CNTNAP3: variants seen among roughly 807,000 people sequenced by gnomAD.
CNTNAP3 encodes the protein contactin associated protein family member 3.
Under a neutral mutation model 92.1 loss-of-function variants are expected in CNTNAP3, and 36 were observed. That is an observed-to-expected ratio of 0.39 (90% CI 0.30 to 0.52). The LOEUF (loss-of-function observed/expected upper bound fraction) is 0.52. CNTNAP3 is among the 20% of genes least tolerant of loss of function. The pLI is 0.76. For synonymous variants in CNTNAP3, 232 were observed against 422.3 expected, an observed-to-expected ratio of 0.55 and a Z score of 5.53; for missense variants, 534 against 1,069.6, an observed-to-expected ratio of 0.50 and a Z score of 6.98.
At chr9:39,142,039 G>A (rs948615128) in intron 11 of CNTNAP3, among the ~76,000 whole-genome samples, 9 of 152,090 alleles carry the variant, frequency 5.9e-5, no homozygotes, top group Non-Finnish European at 7.4e-5. Context: ...ACCTATAGCC[G>A]TCAACTATTA....
intron 18 of CNTNAP3, among the ~76,000 whole-genome samples, chr9:39,093,819 C>T (rs1826268296): frequency 6.6e-6 from 1 of 151,316 alleles, no homozygotes; most frequent in South Asian, 2.1e-4. Context: ...CTACTATGAA[C>T]ATTTGTATAC....
intron 14 of CNTNAP3, among the ~76,000 whole-genome samples, chr9:39,110,358 T>A (rs1382721276): frequency 6.6e-6 from 1 of 152,160 alleles, no homozygotes; most frequent in Non-Finnish European, 1.5e-5. Flanking sequence ...TGTGCGCCAC[T>A]GCACTCCAGC....
chr9:39,148,305 G>A (rs1369139636), intron 10 of CNTNAP3, among the ~76,000 whole-genome samples: 2 of 152,058 alleles, frequency 1.3e-5, no homozygotes, highest in African/African-American at 4.8e-5. Context: ...ATGTTCACAG[G>A]GGGAAATTAT....
At chr9:39,136,524 C>T (rs1354335565) in intron 12 of CNTNAP3, among the ~76,000 whole-genome samples, 1 of 152,124 alleles carries the variant, frequency 6.6e-6, no homozygotes, top group African/African-American at 2.4e-5. Flanking sequence ...TTCTTGCTGG[C>T]ATGATTTCTG....
intron 10 of CNTNAP3, among the ~76,000 whole-genome samples, chr9:39,147,714 A>T (rs1821736642): frequency 6.6e-6 from 1 of 152,174 alleles, no homozygotes; most frequent in Non-Finnish European, 1.5e-5. Flanking sequence ...AAAATGTGGG[A>T]TCTTAGAGAC....
intron 10 of CNTNAP3, among the ~76,000 whole-genome samples, chr9:39,149,201 T>C: frequency 6.6e-6 from 1 of 152,172 alleles, no homozygotes; most frequent in East Asian, 1.9e-4. Context: ...ATCATCCAAC[T>C]GATGGGTGTG....
chr9:39,138,729 C>T (rs922878669), intron 12 of CNTNAP3, among the ~76,000 whole-genome samples: 8 of 152,348 alleles, frequency 5.3e-5, no homozygotes, highest in African/African-American at 1.7e-4. Context: ...GTGTCCACAT[C>T]GAACATCCAA....
At chr9:39,152,700 G>C (rs1305350211) in intron 9 of CNTNAP3, among the ~76,000 whole-genome samples, 1 of 144,450 alleles carries the variant, frequency 6.9e-6, no homozygotes, top group Non-Finnish European at 1.5e-5. Context: ...CTGTCGCCTA[G>C]GCTGCAGTGC....
intron 14 of CNTNAP3, among the ~76,000 whole-genome samples, chr9:39,115,637 C>T (rs977948209): frequency 1.3e-5 from 2 of 151,896 alleles, no homozygotes; most frequent in African/African-American, 4.8e-5. Flanking sequence ...CTCCACAATG[C>T]TCCCTTCTGA....
intron 20 of CNTNAP3, chr9:39,086,110 A>G (rs564580839): frequency 4.7e-5 from 24 of 508,924 alleles, no homozygotes; most frequent in East Asian, 4.2e-4. Flanking sequence ...CATGAAAAAG[A>G]TGGAATTGGT....
At position 39,181,527 on chromosome 9, in the gene CNTNAP3, TTTATA is replaced by T. The variant is rs747721139; in HGVS notation, c.539-3172_539-3168del. Among the ~76,000 whole-genome samples, 2 of 121,252 alleles carry T rather than the reference TTTATA, an allele frequency of 1.6e-5. 1 individual carries two copies. The highest frequency in any genetic ancestry group is 4.3e-4 in the East Asian group (2 of 4,610). 79.5% of individuals were successfully genotyped at this position (121,252 alleles called of 152,430 possible). A position where few individuals can be genotyped will look rare whatever the true frequency, so the allele number is the denominator to read the frequency against. ...CTTTTCTAATTTTACATGAATTTAG[TTTATA>T]ATTATTAGCTTTATTAATTAAGATT... On this transcript the variant is annotated intron_variant, in intron 4 of 23. Coordinates refer to ENST00000297668, the MANE Select transcript of CNTNAP3 (RefSeq NM_033655.5).
rs4062735 is a variant in CNTNAP3, at chr9:39,175,477, CA to C, written c.1071+471del. Among the ~76,000 whole-genome samples, 301 of 30,802 alleles carry C rather than the reference CA, an allele frequency of 9.8e-3. 6 individuals are homozygous for C. The highest frequency in any genetic ancestry group is 0.044 in the African/African-American group (257 of 5,840). The allele number at this position is 30,802 out of a possible 152,430, so 20.2% of individuals were successfully genotyped here. ...TGGGCGACAGAGTGAGACTCCGTCT[CA>C]AAAAAAAAAAAAAAAAAATTGGCCC... On this transcript the variant is annotated intron_variant, in intron 7 of 23. Transcript: ENST00000297668.
chr9:39,147,868 A>G (rs1354830272), intron 10 of CNTNAP3, among the ~76,000 whole-genome samples: 1 of 152,188 alleles, frequency 6.6e-6, no homozygotes, highest in Non-Finnish European at 1.5e-5. Flanking sequence ...CAGCCTCACG[A>G]TATATATCTC....
rs879209917 is a variant in CNTNAP3, at chr9:39,068,306, C to T, written c.*5584G>A. ...TGGCTTGTGCCTGTAGTCCCAGCTACTCGGGAGGCTGAGGCAGGAGAATGG... is the reference window on the plus strand; with the variant it reads ...TGGCTTGTGCCTGTAGTCCCAGCTATTCGGGAGGCTGAGGCAGGAGAATGG... On this transcript the variant is annotated 3_prime_UTR_variant, in exon 24 of 24. Transcript: ENST00000297668. Among the ~76,000 whole-genome samples, 588 of 149,446 alleles carry T rather than the reference C, an allele frequency of 3.9e-3. No homozygotes were observed. The highest frequency in any genetic ancestry group is 8.1e-3 in the African/African-American group (324 of 39,772).
intron 10 of CNTNAP3, among the ~76,000 whole-genome samples, chr9:39,146,875 G>A (rs1221976523): frequency 6.6e-6 from 1 of 152,110 alleles, no homozygotes; most frequent in Non-Finnish European, 1.5e-5. Context: ...AGTAACATAT[G>A]TTTCTACTTT....
In CNTNAP3 at chr9:39,096,141, T is replaced by C. The variant is rs1258323553; in HGVS notation, c.2995+3770A>G. Among the ~76,000 whole-genome samples the C allele has an allele frequency of 2.2e-5, 3 of 137,726 alleles. 1 individual carries two copies. The highest frequency in any genetic ancestry group is 2.5e-4 in the South Asian group (1 of 4,076). 90.4% of individuals were successfully genotyped at this position (137,726 alleles called of 152,430 possible). On this transcript the variant is annotated intron_variant, in intron 18 of 23. Coordinates refer to ENST00000297668, the MANE Select transcript of CNTNAP3 (RefSeq NM_033655.5). ...TGAAAATATATACATTATATATTTG[T>C]ATATTCTCTATTATAGTTTTATACA...
intron 13 of CNTNAP3, among the ~76,000 whole-genome samples, chr9:39,130,364 CAG>C (rs1325015694): frequency 6.6e-6 from 1 of 151,504 alleles, no homozygotes; most frequent in Non-Finnish European, 1.5e-5. Flanking sequence ...GAGGATTACA[CAG>C]AGTGAAAAAA....
chr9:39,109,530 C>G (rs1321564264), intron 14 of CNTNAP3, among the ~76,000 whole-genome samples: 1 of 152,172 alleles, frequency 6.6e-6, no homozygotes, highest in East Asian at 1.9e-4. Context: ...CTCACAGCAA[C>G]TACTCAACTC....
At chr9:39,111,674 T>G (rs1758547) in intron 14 of CNTNAP3, among the ~76,000 whole-genome samples, 1 of 143,574 alleles carries the variant, frequency 7.0e-6, no homozygotes, top group Non-Finnish European at 1.6e-5. Context: ...TTTAGCAAGA[T>G]AGTCTAGTAG....
Sources: allele counts gnomAD v4.1 joint callset (sites outside exome capture counted in the v4.1 genomes callset), GRCh38; gene constraint gnomAD v4.1.1; transcripts MANE v1.5; gene names NCBI Gene and HGNC (gene_info 2026-07-23, HGNC 2026-07-21).